PCDHA6: variants seen among roughly 807,000 people sequenced by gnomAD.
The protein encoded by PCDHA6 is protocadherin alpha 6.
In PCDHA6, 55 loss-of-function variants were observed where a neutral mutation model predicts 60.3. The ratio of observed to expected loss-of-function variants is 0.91; its 90% confidence interval spans 0.73 to 1.14. The LOEUF (loss-of-function observed/expected upper bound fraction) is 1.14, where lower values mean the gene tolerates loss of function less well. Ranked by LOEUF, PCDHA6 falls within the 50% of genes most tolerant of loss-of-function variation. The pLI is 0.00. For synonymous variants in PCDHA6, 652 were observed against 557.9 expected (o/e 1.17, Z -2.38); for missense variants, 1,327 against 1,256.5 (o/e 1.06, Z -0.85).
chr5:140,922,527 C>T (rs1436336713), intron 1 of PCDHA6, among the ~76,000 whole-genome samples: 2 of 152,130 alleles, frequency 1.3e-5, no homozygotes, highest in East Asian at 3.9e-4. Flanking sequence ...AAGATTGAAC[C>T]TAAGGATGTG....
At chr5:140,967,233 A>G in intron 1 of PCDHA6, 1 of 1,613,728 alleles carries the variant, frequency 6.2e-7, no homozygotes, top group South Asian at 1.1e-5. Context: ...TACCAGCTTC[A>G]GGTAAGCGAA....
chr5:141,005,164 G>T (rs782398186), intron 3 of PCDHA6, among the ~76,000 whole-genome samples: 1 of 152,178 alleles, frequency 6.6e-6, no homozygotes, highest in Non-Finnish European at 1.5e-5. Context: ...TAAAGAGTGG[G>T]TACCACTTTC....
chr5:140,985,021 T>A (rs2097132867), intron 3 of PCDHA6, among the ~76,000 whole-genome samples: 1 of 151,956 alleles, frequency 6.6e-6, no homozygotes, highest in African/African-American at 2.4e-5. Flanking sequence ...CACAGCAACC[T>A]CTGCCTCCTG....
At chr5:140,841,311 G>A (rs1312688051) in intron 1 of PCDHA6, 11 of 1,582,128 alleles carry the variant, frequency 7.0e-6, no homozygotes, top group Non-Finnish European at 8.6e-6. Context: ...GATAGGAAAC[G>A]ACTATTTAAC....
chr5:140,887,788 G>A (rs1384145646), intron 1 of PCDHA6, among the ~76,000 whole-genome samples: 4 of 152,006 alleles, frequency 2.6e-5, no homozygotes, highest in Admixed American at 6.6e-5. Flanking sequence ...TCATTGAAGC[G>A]TTCTTTATTT....
chr5:140,861,571 A>C, intron 1 of PCDHA6: 1 of 372,012 alleles, frequency 2.7e-6, no homozygotes, highest in Non-Finnish European at 5.6e-6. Context: ...AAGCTGCTAC[A>C]GGTTTTCCAT....
In PCDHA6 at chr5:140,829,740, C is replaced by G; in HGVS notation, c.1649C>G (p.Thr550Arg). Reference sequence around the variant, plus strand: ...GTGCCGCCTCTGGGCAGCAACGTGACGCTGCAGGTGTTCGTGCTGGACGAG... The same window carrying G: ...GTGCCGCCTCTGGGCAGCAACGTGAGGCTGCAGGTGTTCGTGCTGGACGAG... ...AGVPPLGSNVTLQVFVLDEND... is the reference protein window; with the variant it reads ...AGVPPLGSNVRLQVFVLDEND... Residue 550 changes from threonine (T) to arginine (R), a missense_variant, in exon 1 of 4, where the codon ACG becomes AGG. Physicochemically the swap from Thr to Arg is moderately conservative, Grantham distance 71 (BLOSUM62 -1). Transcript: ENST00000529310. The G allele has an allele frequency of 6.2e-7, 1 of 1,613,670 alleles. No homozygotes were observed. Among genetic ancestry groups the G allele is most frequent in the Non-Finnish European group, 8.5e-7 (1 of 1,179,878 alleles).
At chr5:140,858,085 G>A (rs782551513) in intron 1 of PCDHA6, 1 of 1,597,828 alleles carries the variant, frequency 6.3e-7, no homozygotes, top group Non-Finnish European at 8.6e-7. Context: ...AGGCCTCGTC[G>A]CGGGCTTCAG....
chr5:140,986,195 A>C (rs1200850544), intron 3 of PCDHA6, among the ~76,000 whole-genome samples: 1 of 152,196 alleles, frequency 6.6e-6, no homozygotes, highest in African/African-American at 2.4e-5. Context: ...TAAATTGGTT[A>C]ATCCTGATTA....
At chr5:140,970,911 T>C (rs1003828575) in intron 1 of PCDHA6, among the ~76,000 whole-genome samples, 2 of 152,194 alleles carry the variant, frequency 1.3e-5, no homozygotes, top group East Asian at 3.9e-4. Context: ...ATTTATTCAT[T>C]TATCAGAAGT....
Position 140,836,254 on chromosome 5 carries a change from T to C in PCDHA6, c.2394+5769T>C, listed in dbSNP as rs1644784516. ...GCCGGTGCGAGCATCCCGTTCCGCG[T>C]GGGGCTGTACACTGGTGAGATCAGC... On this transcript the variant is annotated intron_variant, in intron 1 of 3. Transcript: ENST00000529310. 7 of 1,613,670 alleles carry C rather than the reference T, an allele frequency of 4.3e-6. No individual in the cohort carries two copies. Among genetic ancestry groups the C allele is most frequent in the Non-Finnish European group, 5.1e-6 (6 of 1,179,780 alleles).
chr5:140,913,082 C>G (rs2076197049), intron 1 of PCDHA6, among the ~76,000 whole-genome samples: 1 of 152,108 alleles, frequency 6.6e-6, no homozygotes, highest in African/African-American at 2.4e-5. Context: ...TGTTTGGTAT[C>G]AGGATAATAC....
At position 140,850,115 on chromosome 5, in the gene PCDHA6, G is replaced by T. The variant is rs2150468444; in HGVS notation, c.2394+19630G>T. 1.3e-5 allele frequency: 21 copies of T among 1,595,978 alleles called. 2 individuals are homozygous for T. The highest frequency in any genetic ancestry group is 2.2e-5 in the South Asian group (2 of 90,490). ...AGTTCCAGGTGAGCGCGCGCGACGC[G>T]GGCGTGCCGCCTCTGGGCAGCAACG... On this transcript the variant is annotated intron_variant, in intron 1 of 3. Coordinates refer to ENST00000529310, the MANE Select transcript of PCDHA6 (RefSeq NM_018909.4).
chr5:140,954,992 G>A (rs1017301016), intron 1 of PCDHA6, among the ~76,000 whole-genome samples: 1 of 152,094 alleles, frequency 6.6e-6, no homozygotes, highest in Non-Finnish European at 1.5e-5. Flanking sequence ...TTCTGCATAT[G>A]GCTAGCCAAT....
At position 140,830,064 on chromosome 5, in the gene PCDHA6, C is replaced by T. The variant is rs148379064; in HGVS notation, c.1973C>T (p.Ala658Val). Residue 658 changes from alanine (A) to valine (V), a missense_variant, in exon 1 of 4, where the codon GCG (alanine) becomes GTG (valine). Transcript: ENST00000529310. ...LVLVKDHGEP[A>V]LTATATVLVS... Reference sequence around the variant, plus strand: ...CTGGTGAAAGACCACGGTGAGCCGGCGCTGACAGCGACGGCCACGGTTCTG... The same window carrying T: ...CTGGTGAAAGACCACGGTGAGCCGGTGCTGACAGCGACGGCCACGGTTCTG... 52 of 1,613,544 alleles carry T rather than the reference C, an allele frequency of 3.2e-5. No individual in the cohort carries two copies. The African/African-American group carries it at 5.9e-4, about 18-fold the overall frequency.
chr5:140,947,760 A>G (rs1332466215), intron 1 of PCDHA6, among the ~76,000 whole-genome samples: 1 of 151,618 alleles, frequency 6.6e-6, no homozygotes, highest in Admixed American at 6.6e-5. Context: ...TTATGGTTTA[A>G]AAAATTCTAT....
intron 1 of PCDHA6, among the ~76,000 whole-genome samples, chr5:140,892,783 T>C (rs1554185363): frequency 6.6e-6 from 1 of 152,168 alleles, no homozygotes; most frequent in African/African-American, 2.4e-5. Context: ...TTCTTGAAAA[T>C]ATGTAAGAAA....
chr5:140,868,044 A>G (rs1224087993), intron 1 of PCDHA6: 1 of 152,140 alleles, frequency 6.6e-6, no homozygotes, highest in Non-Finnish European at 1.5e-5. Flanking sequence ...TGGAAATACC[A>G]ATATGGCACA....
intron 1 of PCDHA6, chr5:140,863,388 C>T: frequency 1.0e-6 from 1 of 1,000,142 alleles, no homozygotes; most frequent in Non-Finnish European, 1.5e-6. Context: ...AGAGCTCGTG[C>T]ATGCCGGGCA....
Sources: allele counts gnomAD v4.1 joint callset (sites outside exome capture counted in the v4.1 genomes callset), GRCh38; gene constraint gnomAD v4.1.1; transcripts MANE v1.5; gene names NCBI Gene and HGNC (gene_info 2026-07-23, HGNC 2026-07-21).